PIGN: variants seen among roughly 807,000 people sequenced by gnomAD.
PIGN encodes the protein GPI ethanolamine phosphate transferase 1.
In PIGN, 117 loss-of-function variants were observed where a neutral mutation model predicts 125.4. The observed-to-expected ratio is 0.93, with a 90% confidence interval of 0.80 to 1.09. The LOEUF is 1.09. PIGN is among the 50% of genes least tolerant of loss of function. The pLI is 0.00. For missense variants in PIGN, 1,075 were observed against 1,094.9 expected (o/e 0.98, Z 0.26); for synonymous variants, 392 against 377.8 (o/e 1.04, Z -0.44).
rs189800907 is a variant in PIGN, at chr18:62,080,153, T to C, written c.2576+2520A>G. On this transcript the variant is annotated intron_variant, in intron 28 of 30. Transcript: ENST00000640252. ...TATTTCCAAGTTTTTGTGTTTTTTT[T>C]CCCCCAATCCCTGCCGTGTAGCCAT... 4.8e-3 allele frequency among the ~76,000 whole-genome samples: 737 copies of C among 152,328 alleles called. 4 individuals are homozygous for C. Among genetic ancestry groups the C allele is most frequent in the African/African-American group, 0.017 (706 of 41,556 alleles).
chr18:62,034,662 G>A (rs185067649), intron 23 of PIGN, among the ~76,000 whole-genome samples: 2 of 152,226 alleles, frequency 1.3e-5, no homozygotes, highest in East Asian at 3.9e-4. Context: ...ACTTGCATGG[G>A]GCCTGTAGCT....
intron 12 of PIGN, 21 bp downstream of exon 12, chr18:62,140,399 T>C (rs1339966686): frequency 8.8e-7 from 1 of 1,133,218 alleles, no homozygotes; most frequent in Non-Finnish European, 1.3e-6. Flanking sequence ...TGAGAGTTGA[T>C]AATAAAATTT....
At chr18:62,019,451 A>G (rs1296913032) in intron 23 of PIGN, among the ~76,000 whole-genome samples, 2 of 152,252 alleles carry the variant, frequency 1.3e-5, no homozygotes, top group African/African-American at 4.8e-5. Flanking sequence ...TAACTTGTGA[A>G]GAGTTAGGGG....
At chr18:62,110,021 T>C in intron 16 of PIGN, 48 bp from the exon 17 acceptor site, 1 of 1,583,540 alleles carries the variant, frequency 6.3e-7, no homozygotes, top group Non-Finnish European at 8.7e-7. Flanking sequence ...CAATGGTAAT[T>C]GATAGGTTTT....
intron 23 of PIGN, among the ~76,000 whole-genome samples, chr18:62,026,790 G>A (rs1048247015): frequency 6.6e-6 from 1 of 152,240 alleles, no homozygotes; most frequent in African/African-American, 2.4e-5. Flanking sequence ...TCCCAGGGAA[G>A]TAGGAAGGAG....
At chr18:62,119,473 A>C (rs1313956913) in intron 14 of PIGN, among the ~76,000 whole-genome samples, 1 of 152,222 alleles carries the variant, frequency 6.6e-6, no homozygotes, top group African/African-American at 2.4e-5. Context: ...TAACAAGTGA[A>C]ATTAAGAACT....
Position 62,042,157 on chromosome 18 carries a change from C to T in PIGN, c.*3699G>A, listed in dbSNP as rs1379348427. 6.6e-6 allele frequency: 1 copy of T among 151,852 alleles called. No homozygotes were observed. The highest frequency in any genetic ancestry group is 1.5e-5 in the Non-Finnish European group (1 of 67,982). The allele number at this position is 151,852 out of a possible 1,614,324, so 9.4% of individuals were successfully genotyped here. A position where few individuals can be genotyped will look rare whatever the true frequency, so the allele number is the denominator to read the frequency against. On this transcript the variant is annotated 3_prime_UTR_variant, in exon 31 of 31. Transcript: ENST00000640252. The stretch of plus-strand genomic sequence containing the variant: ...CAAACATGGTGAAACCTTGTCAGTA[C>T]TAAAAATATGAAAATTAGCCAGACG...
chr18:62,136,353 T>C (rs2035932410), intron 14 of PIGN: 1 of 152,364 alleles, frequency 6.6e-6, no homozygotes, highest in Non-Finnish European at 1.5e-5. Context: ...TATTTATGCC[T>C]TTCTTTTATT....
intron 30 of PIGN, among the ~76,000 whole-genome samples, chr18:62,055,135 T>C (rs985808170): frequency 2.6e-5 from 4 of 152,160 alleles, no homozygotes; most frequent in Non-Finnish European, 5.9e-5. Context: ...AGCATGCAAA[T>C]AATATAAGAC....
intron 1 of PIGN, among the ~76,000 whole-genome samples, chr18:62,175,716 G>A (rs2037502443): frequency 6.6e-6 from 1 of 152,134 alleles, no homozygotes; most frequent in Non-Finnish European, 1.5e-5. Flanking sequence ...CAATGACTGT[G>A]TTTCTGTTCA....
intron 1 of PIGN, among the ~76,000 whole-genome samples, chr18:62,168,198 T>A (rs1473756494): frequency 2.6e-5 from 4 of 151,656 alleles, no homozygotes; most frequent in East Asian, 1.9e-4. Context: ...AAAAAAAAAA[T>A]TCTGATTAAG....
At chr18:62,110,294 T>C (rs1383990877) in intron 16 of PIGN, 1 of 241,478 alleles carries the variant, frequency 4.1e-6, no homozygotes, top group African/African-American at 2.3e-5. Flanking sequence ...TTTATAAATG[T>C]TGATTGAGTT....
chr18:62,018,955 A>G (rs1218023797), intron 23 of PIGN, among the ~76,000 whole-genome samples: 1 of 152,142 alleles, frequency 6.6e-6, no homozygotes, highest in Non-Finnish European at 1.5e-5. Flanking sequence ...AGTGGCTCAC[A>G]CCTGTAATCT....
At chr18:62,150,443 G>A (rs1393447154) in intron 7 of PIGN, among the ~76,000 whole-genome samples, 2 of 152,168 alleles carry the variant, frequency 1.3e-5, no homozygotes, top group African/African-American at 2.4e-5. Flanking sequence ...CTGGAAATAG[G>A]GCAAAGCAAA....
chr18:62,048,684 A>G lies in PIGN; in HGVS notation c.2673-2705T>C, dbSNP rs1382475558. On this transcript the variant is annotated intron_variant, in intron 30 of 30. Transcript: ENST00000640252. ...CTAACCTAAAAGAATGTCTGAAGGA[A>G]GTTTTCTTTTCTTTTTTTTTTTTTA... Among the ~76,000 whole-genome samples, 3 of 127,184 alleles carry G rather than the reference A, an allele frequency of 2.4e-5. No individual in the cohort carries two copies. The East Asian group carries it at 7.8e-4, about 33-fold the overall frequency. The allele number at this position is 127,184 out of a possible 152,430, so 83.4% of individuals were successfully genotyped here.
At chr18:62,160,961 A>G (rs2036930647) in intron 4 of PIGN, among the ~76,000 whole-genome samples, 172 bp downstream of exon 4, 1 of 152,232 alleles carries the variant, frequency 6.6e-6, no homozygotes, top group Non-Finnish European at 1.5e-5. Flanking sequence ...AGGAGGAAAT[A>G]AAGTAGCATC....
chr18:62,157,721 A>G lies in PIGN; in HGVS notation c.309T>C (p.Ala103=), dbSNP rs17069511. The G allele has an allele frequency of 2.5e-3, 3,964 of 1,612,106 alleles. 136 individuals are homozygous for G. In the Admixed American group the frequency reaches 0.055, roughly 22 times the overall value. The change falls in exon 5 of 31, where the codon GCT becomes GCC. Residue 103 remains alanine (A), a synonymous_variant. Coordinates refer to ENST00000640252, the MANE Select transcript of PIGN (RefSeq NM_176787.5). Reference sequence around the variant, plus strand: ...CTGCACTGACATCTTCATAAAACCCAGCTATCAGAGCTACATGACCTGGCC... The same window carrying G: ...CTGCACTGACATCTTCATAAAACCCGGCTATCAGAGCTACATGACCTGGCC... The part of the protein sequence containing the change: ...ESRPGHVALI[A]GFYEDVSAVA...
intron 6 of PIGN, among the ~76,000 whole-genome samples, chr18:62,155,748 TC>T (rs57830208): frequency 0.68 from 103,150 of 151,934 alleles, 35,302 homozygotes; most frequent in East Asian, 0.84. Flanking sequence ...TATCTCTAAT[TC>T]AATTATTTGT....
Position 62,045,418 on chromosome 18 carries a change from G to A in PIGN, c.*438C>T, listed in dbSNP as rs1323807497. On this transcript the variant is annotated 3_prime_UTR_variant, in exon 31 of 31. Coordinates refer to ENST00000640252, the MANE Select transcript of PIGN (RefSeq NM_176787.5). ...TCTAACAAAACCAGTGCTGAAAGCTGATAAATATTGACGGTGGCACCTGGT... is the reference window on the plus strand; with the variant it reads ...TCTAACAAAACCAGTGCTGAAAGCTAATAAATATTGACGGTGGCACCTGGT... The A allele has an allele frequency of 2.0e-5, 3 of 153,188 alleles. No individual in the cohort carries two copies. Among genetic ancestry groups the A allele is most frequent in the South Asian group, 2.0e-4 (1 of 4,898 alleles). The allele number at this position is 153,188 out of a possible 1,614,324, so 9.5% of individuals were successfully genotyped here.
Sources: allele counts gnomAD v4.1 joint callset (sites outside exome capture counted in the v4.1 genomes callset), GRCh38; gene constraint gnomAD v4.1.1; transcripts MANE v1.5; gene names NCBI Gene and HGNC (gene_info 2026-07-23, HGNC 2026-07-21).